The following RCOR1 variants were observed in gnomAD, a reference collection of about 807,000 sequenced individuals.
The protein encoded by RCOR1 is REST corepressor 1.
A neutral mutation model predicts 64.0 loss-of-function variants in RCOR1; 12 were observed. The ratio of observed to expected loss-of-function variants is 0.19; its 90% CI spans 0.12 to 0.30. RCOR1 has a LOEUF of 0.30. Ranked by LOEUF, RCOR1 falls within the 10% of genes least tolerant of loss-of-function variation. RCOR1 has a pLI of 1.00. For missense variants in RCOR1, 502 were observed against 621.2 expected, an observed-to-expected ratio of 0.81 and a Z score of 2.04; for synonymous variants, 279 against 227.2, an observed-to-expected ratio of 1.23 and a Z score of -2.05.
chr14:102,689,839 G>A (rs1470950548), intron 3 of RCOR1, among the ~76,000 whole-genome samples: 2 of 152,154 alleles, frequency 1.3e-5, no homozygotes, highest in Non-Finnish European at 2.9e-5. Flanking sequence ...TGCCTCCCAG[G>A]TTCAAGCTAT....
intron 3 of RCOR1, among the ~76,000 whole-genome samples, chr14:102,691,435 C>T (rs577071396): frequency 3.3e-5 from 5 of 152,004 alleles, no homozygotes; most frequent in South Asian, 4.2e-4. Flanking sequence ...CACACGTGCC[C>T]CCGATTCTAA....
At position 102,624,143 on chromosome 14, in the gene RCOR1, C is replaced by G. The variant is rs139264795; in HGVS notation, c.361+30818C>G. Among the ~76,000 whole-genome samples, 22 of 152,096 alleles carry G rather than the reference C, an allele frequency of 1.4e-4. No homozygotes were observed. In the East Asian group the frequency reaches 4.3e-3, roughly 30 times the overall value. ...CCTGGGAGGCGGAGCTTGCAGTGAGCTGAAATTGCGCCACTGCACTCCAGC... is the reference window on the plus strand; with the variant it reads ...CCTGGGAGGCGGAGCTTGCAGTGAGGTGAAATTGCGCCACTGCACTCCAGC... On this transcript the variant is annotated intron_variant, in intron 2 of 11. Coordinates refer to ENST00000262241, the MANE Select transcript of RCOR1 (RefSeq NM_015156.4).
rs554989083 is a variant in RCOR1, at chr14:102,706,082, C to T, written c.499-1269C>T. On this transcript the variant is annotated intron_variant, in intron 4 of 11. Transcript: ENST00000262241. Reference sequence around the variant, plus strand: ...GAGCCAAGATCATGACATTGCTCCTCCAGCCTGGGCAAGGAGAGTGAAACC... The same window carrying T: ...GAGCCAAGATCATGACATTGCTCCTTCAGCCTGGGCAAGGAGAGTGAAACC... Among the ~76,000 whole-genome samples, 3 of 128,652 alleles carry T rather than the reference C, an allele frequency of 2.3e-5. No homozygotes were observed. In the East Asian group the frequency reaches 7.7e-4, roughly 33 times the overall value. The allele number at this position is 128,652 out of a possible 152,430, so 84.4% of individuals were successfully genotyped here.
intron 2 of RCOR1, among the ~76,000 whole-genome samples, chr14:102,607,746 G>A (rs1893542972): frequency 6.6e-6 from 1 of 152,184 alleles, no homozygotes; most frequent in African/African-American, 2.4e-5. Context: ...GCCGGGTGTG[G>A]TGGCACCTGC....
intron 2 of RCOR1, among the ~76,000 whole-genome samples, chr14:102,607,351 C>T (rs1023703013): frequency 3.9e-5 from 6 of 152,166 alleles, no homozygotes; most frequent in Admixed American, 2.0e-4. Context: ...CCTATTGTCT[C>T]TTGCTTTCCT....
At chr14:102,700,105 G>A (rs988975856) in intron 3 of RCOR1, among the ~76,000 whole-genome samples, 1 of 152,148 alleles carries the variant, frequency 6.6e-6, no homozygotes, top group African/African-American at 2.4e-5. Context: ...TTCAACCTGA[G>A]CTGAAACTAA....
At chr14:102,620,305 C>T (rs1221980865) in intron 2 of RCOR1, among the ~76,000 whole-genome samples, 1 of 152,160 alleles carries the variant, frequency 6.6e-6, no homozygotes, top group Non-Finnish European at 1.5e-5. Context: ...CGGTGGCTCA[C>T]GCCTGTAATC....
At chr14:102,647,431 C>T (rs1894499249) in intron 2 of RCOR1, among the ~76,000 whole-genome samples, 2 of 152,260 alleles carry the variant, frequency 1.3e-5, no homozygotes, top group South Asian at 4.1e-4. Flanking sequence ...GTTCTCCTGC[C>T]TCAGCCTCCC....
chr14:102,593,230 C>T (rs1177776585), intron 1 of RCOR1, 36 bp from the exon 2 acceptor site: 1 of 1,487,288 alleles, frequency 6.7e-7, no homozygotes, highest in Non-Finnish European at 8.9e-7. Flanking sequence ...CCGCGCCCCG[C>T]GCCGCGCTGA....
At chr14:102,657,748 G>A (rs1335896592) in intron 2 of RCOR1, 1 of 457,908 alleles carries the variant, frequency 2.2e-6, no homozygotes, top group Non-Finnish European at 2.8e-6. Flanking sequence ...AGAGGTGAGA[G>A]AATCACTTGA....
chr14:102,627,693 C>T (rs1894009588), intron 2 of RCOR1, among the ~76,000 whole-genome samples: 2 of 151,028 alleles, frequency 1.3e-5, no homozygotes, highest in African/African-American at 2.4e-5. Flanking sequence ...ACCAAAAAAA[C>T]AAACTTCTTT....
At chr14:102,635,178 A>G (rs1236720170) in intron 2 of RCOR1, among the ~76,000 whole-genome samples, 3 of 152,224 alleles carry the variant, frequency 2.0e-5, no homozygotes, top group Admixed American at 2.0e-4. Context: ...AATTCTTCTC[A>G]GTATATATGT....
chr14:102,701,751 G>A (rs77380526), intron 4 of RCOR1, among the ~76,000 whole-genome samples: 11,070 of 152,174 alleles, frequency 0.073, 548 homozygotes, highest in Middle Eastern at 0.13. Flanking sequence ...ATGGAGTCTC[G>A]CTCTGGTGAC....
intron 2 of RCOR1, among the ~76,000 whole-genome samples, chr14:102,667,775 C>T (rs192574908): frequency 1.4e-5 from 2 of 147,646 alleles, no homozygotes; most frequent in African/African-American, 2.6e-5. Context: ...GATGAGGGGA[C>T]TCCAAGATGA....
At chr14:102,606,216 G>A (rs1468056909) in intron 2 of RCOR1, among the ~76,000 whole-genome samples, 5 of 152,090 alleles carry the variant, frequency 3.3e-5, no homozygotes, top group South Asian at 4.1e-4. Flanking sequence ...ATGAGCCACC[G>A]TGCCCGGCCT....
At chr14:102,626,984 A>G (rs1031548810) in intron 2 of RCOR1, among the ~76,000 whole-genome samples, 4 of 152,204 alleles carry the variant, frequency 2.6e-5, no homozygotes, top group African/African-American at 9.7e-5. Flanking sequence ...TACCAAGACC[A>G]AGAGGCTTTT....
intron 3 of RCOR1, among the ~76,000 whole-genome samples, chr14:102,686,752 G>A (rs527668807): frequency 1.2e-4 from 18 of 152,126 alleles, no homozygotes; most frequent in Non-Finnish European, 2.5e-4. Context: ...TTTCATGGCT[G>A]GATAGTTCAT....
chr14:102,630,053 G>C, intron 2 of RCOR1: 1 of 929,732 alleles, frequency 1.1e-6, no homozygotes, highest in Non-Finnish European at 1.3e-6. Flanking sequence ...GTTTGGATGT[G>C]GTTTGTCCTT....
intron 2 of RCOR1, among the ~76,000 whole-genome samples, chr14:102,629,007 C>T (rs566275894): frequency 5.9e-5 from 9 of 152,188 alleles, no homozygotes; most frequent in African/African-American, 2.2e-4. Flanking sequence ...CCTCCCACCT[C>T]AGCCCCTCCC....
Sources: allele counts gnomAD v4.1 joint callset (sites outside exome capture counted in the v4.1 genomes callset), GRCh38; gene constraint gnomAD v4.1.1; transcripts MANE v1.5; gene names NCBI Gene and HGNC (gene_info 2026-07-23, HGNC 2026-07-21).